DLC1: variants seen among roughly 807,000 people sequenced by gnomAD.
The protein encoded by DLC1 is rho GTPase-activating protein 7.
DLC1 carries 54 observed loss-of-function variants against 140.3 expected under a neutral mutation model. The observed-to-expected ratio is 0.38, with a 90% CI of 0.31 to 0.48. The LOEUF is 0.48. DLC1 is among the 20% of genes least tolerant of loss of function. The probability of loss-of-function intolerance (pLI) is 0.96; values close to 1 mark genes in which losing one functional copy is unlikely to be tolerated. For missense variants in DLC1, 2,536 were observed against 1,907.0 expected, an observed-to-expected ratio of 1.33 and a Z score of -6.14; for synonymous variants, 986 against 728.1, an observed-to-expected ratio of 1.35 and a Z score of -5.70.
In DLC1 at chr8:13,545,368, A is replaced by C. The variant is rs139307269; in HGVS notation, c.-125-45172T>G. Among the ~76,000 whole-genome samples, 713 of 151,670 alleles carry C rather than the reference A, an allele frequency of 4.7e-3. 8 individuals are homozygous for C. Among genetic ancestry groups the C allele is most frequent in the African/African-American group, 0.016 (669 of 41,424 alleles). On this transcript the variant is annotated intron_variant, in intron 1 of 1. Coordinates refer to the DLC1 transcript ENST00000631382. ...ATATAAAGTAAAGAAGAGAACTTGG[A>C]AAGCTCCAGCTGCATAAATGTCAGG...
chr8:13,492,553 TC>T (rs398112216), intron 2 of DLC1, among the ~76,000 whole-genome samples: 1 of 39,646 alleles, frequency 2.5e-5, no homozygotes, highest in African/African-American at 5.5e-5. Flanking sequence ...CACTACTCTC[TC>T]CTCTCTCAGT....
intron 5 of DLC1, among the ~76,000 whole-genome samples, chr8:13,255,485 T>C (rs1443316410): frequency 6.6e-6 from 1 of 152,188 alleles, no homozygotes; most frequent in Non-Finnish European, 1.5e-5. Flanking sequence ...ACTTAAGTAC[T>C]CAGCAAATAG....
intron 1 of DLC1, among the ~76,000 whole-genome samples, chr8:13,546,642 C>G (rs1055313619): frequency 8.5e-5 from 13 of 152,134 alleles, no homozygotes; most frequent in Admixed American, 5.9e-4. Context: ...CCTCTGCTCT[C>G]TTGGACCTTT....
chr8:13,293,975 AT>A (rs1358529094), intron 5 of DLC1, among the ~76,000 whole-genome samples: 1 of 152,180 alleles, frequency 6.6e-6, no homozygotes, highest in Non-Finnish European at 1.5e-5. Context: ...AAAAATTATA[AT>A]TTTATCGAAC....
At chr8:13,453,529 TATATATATACATATATA>T (rs1799246086) in intron 2 of DLC1, among the ~76,000 whole-genome samples, 3 of 53,748 alleles carry the variant, frequency 5.6e-5, no homozygotes, top group African/African-American at 3.0e-4. Context: ...TATATATATG[TATATATATACATATATA>T]TATATATATA....
chr8:13,418,888 A>C (rs562683394), intron 2 of DLC1, among the ~76,000 whole-genome samples: 21 of 151,966 alleles, frequency 1.4e-4, no homozygotes, highest in African/African-American at 2.4e-4. Context: ...CTTTTATTTC[A>C]TTGAGCAGTG....
At chr8:13,441,116 A>C (rs923512033) in intron 2 of DLC1, among the ~76,000 whole-genome samples, 5 of 152,170 alleles carry the variant, frequency 3.3e-5, no homozygotes, top group African/African-American at 1.2e-4. Context: ...AATACATTTA[A>C]AACTGCCCAG....
chr8:13,362,583 C>T (rs1342731532), intron 4 of DLC1, among the ~76,000 whole-genome samples: 1 of 151,768 alleles, frequency 6.6e-6, no homozygotes, highest in African/African-American at 2.4e-5. Context: ...AATTAATGGT[C>T]TATTATCTAG....
intron 1 of DLC1, among the ~76,000 whole-genome samples, chr8:13,513,731 A>T (rs1428583340): frequency 6.6e-6 from 1 of 152,184 alleles, no homozygotes; most frequent in Admixed American, 6.5e-5. Flanking sequence ...ACATTTAAAC[A>T]TTTAAGATTA....
chr8:13,328,747 C>G (rs926296477), intron 4 of DLC1, among the ~76,000 whole-genome samples: 13 of 151,940 alleles, frequency 8.6e-5, no homozygotes, highest in Admixed American at 8.5e-4. Flanking sequence ...TCAGGAGGAG[C>G]CCGCAGAGTG....
intron 4 of DLC1, among the ~76,000 whole-genome samples, chr8:13,379,810 C>T (rs576406867): frequency 5.9e-5 from 9 of 152,256 alleles, no homozygotes; most frequent in Admixed American, 3.9e-4. Context: ...GAATACTATG[C>T]AGCCTCAAAA....
chr8:13,413,046 C>A (rs1163515385), intron 2 of DLC1, among the ~76,000 whole-genome samples: 1 of 151,690 alleles, frequency 6.6e-6, no homozygotes. Context: ...GCACTTTAGT[C>A]TGGTGTCCTT....
intron 2 of DLC1, among the ~76,000 whole-genome samples, chr8:13,436,989 C>G (rs1407541624): frequency 6.6e-6 from 1 of 152,106 alleles, no homozygotes; most frequent in Non-Finnish European, 1.5e-5. Flanking sequence ...TATTTAACAC[C>G]TTTGGTTTTG....
At chr8:13,453,420 ATATGTGTATATATATATG>A in intron 2 of DLC1, among the ~76,000 whole-genome samples, 1 of 22,712 alleles carries the variant, frequency 4.4e-5, no homozygotes, top group African/African-American at 2.0e-4. Flanking sequence ...ATATATATAT[ATATGTGTATATATATATG>A]TATATATATA....
At chr8:13,602,139 G>T (rs549854982) in intron 1 of DLC1, among the ~76,000 whole-genome samples, 120 of 151,784 alleles carry the variant, frequency 7.9e-4, no homozygotes, top group African/African-American at 2.8e-3. Flanking sequence ...GGAAATCAGA[G>T]GAACATGTTA....
At chr8:13,412,341 A>T (rs1837817474) in intron 2 of DLC1, among the ~76,000 whole-genome samples, 1 of 152,138 alleles carries the variant, frequency 6.6e-6, no homozygotes, top group Non-Finnish European at 1.5e-5. Flanking sequence ...GTAGCTTGGG[A>T]GTCTCTATCG....
intron 1 of DLC1, 93 bp from the exon 2 acceptor site, chr8:13,500,289 A>C (rs1035622051): frequency 4.5e-6 from 2 of 442,004 alleles, no homozygotes; most frequent in African/African-American, 3.9e-5. Flanking sequence ...TATGCTATCA[A>C]AGTTAAGAGA....
chr8:13,135,607 C>T (rs1166223854), intron 5 of DLC1, among the ~76,000 whole-genome samples: 1 of 152,302 alleles, frequency 6.6e-6, no homozygotes, highest in East Asian at 1.9e-4. Flanking sequence ...ACTAATTTAT[C>T]TTATTTATTA....
chr8:13,237,990 A>G (rs1829369180), intron 5 of DLC1, among the ~76,000 whole-genome samples: 1 of 152,200 alleles, frequency 6.6e-6, no homozygotes. Flanking sequence ...AGAAACGAAC[A>G]GGTGAAAATG....
Sources: allele counts gnomAD v4.1 joint callset (sites outside exome capture counted in the v4.1 genomes callset), GRCh38; gene constraint gnomAD v4.1.1; transcripts MANE v1.5; gene names NCBI Gene and HGNC (gene_info 2026-07-23, HGNC 2026-07-21).